LIPK: variants seen among roughly 807,000 people sequenced by gnomAD.
LIPK encodes the protein lipase member K.
A neutral mutation model predicts 48.6 loss-of-function variants in LIPK; 32 were observed. That is an observed-to-expected ratio of 0.66 (90% CI 0.50 to 0.88). The LOEUF is 0.88. Ranked by LOEUF, LIPK falls within the 40% of genes least tolerant of loss-of-function variation. LIPK has a pLI of 0.00. For missense variants in LIPK, 507 were observed against 478.5 expected, an observed-to-expected ratio of 1.06 and a Z score of -0.56; for synonymous variants, 164 against 157.4, an observed-to-expected ratio of 1.04 and a Z score of -0.32.
chr10:88,740,742 C>T (rs1163725843), intron 8 of LIPK, among the ~76,000 whole-genome samples: 1 of 152,100 alleles, frequency 6.6e-6, no homozygotes, highest in Non-Finnish European at 1.5e-5. Context: ...GAAAAGTGAA[C>T]AAAATATACA....
chr10:88,737,805 G>A, intron 7 of LIPK, 24 bp downstream of exon 7: 1 of 1,611,038 alleles, frequency 6.2e-7, no homozygotes, highest in East Asian at 2.2e-5. Flanking sequence ...ATTGGGTCTG[G>A]GAAAACATTT....
chr10:88,737,222 T>C (rs796399904), intron 6 of LIPK, among the ~76,000 whole-genome samples: 19 of 152,296 alleles, frequency 1.2e-4, no homozygotes, highest in African/African-American at 4.6e-4. Context: ...CTAATTGTCT[T>C]TTAAACATGA....
At chr10:88,721,038 A>G (rs1842214068) in intron 1 of LIPK, among the ~76,000 whole-genome samples, 1 of 152,024 alleles carries the variant, frequency 6.6e-6, no homozygotes, top group Non-Finnish European at 1.5e-5. Context: ...TCTTAGTCTA[A>G]AATCCTTATA....
chr10:88,728,553 A>C, intron 3 of LIPK: 1 of 410,888 alleles, frequency 2.4e-6, no homozygotes, highest in Non-Finnish European at 4.8e-6. Context: ...CCTATAGCGG[A>C]CCAAACAGGA....
At chr10:88,742,124 T>C in intron 8 of LIPK, among the ~76,000 whole-genome samples, 1 of 152,168 alleles carries the variant, frequency 6.6e-6, no homozygotes, top group East Asian at 1.9e-4. Context: ...GAGAACTCAC[T>C]CACTATCAGG....
chr10:88,741,152 TA>T (rs1370500080), intron 8 of LIPK, among the ~76,000 whole-genome samples: 1 of 152,208 alleles, frequency 6.6e-6, no homozygotes, highest in African/African-American at 2.4e-5. Flanking sequence ...AACAATTTTT[TA>T]GTAAAGGCAT....
At chr10:88,746,050 T>C (rs1027067393) in intron 9 of LIPK, among the ~76,000 whole-genome samples, 8 of 152,160 alleles carry the variant, frequency 5.3e-5, no homozygotes, top group Admixed American at 4.6e-4. Flanking sequence ...TAAATAAAGA[T>C]AAAGGGTTGA....
chr10:88,739,651 C>T (rs1172130526), intron 7 of LIPK, among the ~76,000 whole-genome samples: 4 of 151,922 alleles, frequency 2.6e-5, no homozygotes, highest in African/African-American at 7.3e-5. Flanking sequence ...GTCAGGAGAG[C>T]GAGACCATCC....
Position 88,737,661 on chromosome 10 carries a change from C to T in LIPK, c.696C>T (p.His232=). The T allele has an allele frequency of 6.2e-7, 1 of 1,613,818 alleles. No individual in the cohort carries two copies. The highest frequency in any genetic ancestry group is 1.1e-5 in the South Asian group (1 of 91,044). ...TGTTGTTTGGTGACAAAATGTTCCA[C>T]CCTCATACATTGTTTGACCAATTCA... is the stretch of plus-strand genomic sequence containing the variant. ...VKVLFGDKMF[H]PHTLFDQFIA... Residue 232 remains histidine (H), a synonymous_variant, in exon 7 of 10, where the codon CAC becomes CAT. Transcript: ENST00000404190.
At chr10:88,714,182 A>G (rs1842074587) in intron 1 of LIPK, among the ~76,000 whole-genome samples, 1 of 152,186 alleles carries the variant, frequency 6.6e-6, no homozygotes, top group Admixed American at 6.5e-5. Context: ...GATATTTTAT[A>G]GAATTCCTTC....
chr10:88,749,302 A>G (rs1429847879), intron 9 of LIPK, among the ~76,000 whole-genome samples: 1 of 152,226 alleles, frequency 6.6e-6, no homozygotes, highest in Non-Finnish European at 1.5e-5. Flanking sequence ...AGAAGCCTGA[A>G]TAGTCAAGGC....
At chr10:88,713,793 T>C (rs1397713719) in intron 1 of LIPK, among the ~76,000 whole-genome samples, 1 of 151,542 alleles carries the variant, frequency 6.6e-6, no homozygotes, top group Admixed American at 6.6e-5. Context: ...ATACAAAAAT[T>C]AGCCAGGCGC....
intron 9 of LIPK, among the ~76,000 whole-genome samples, chr10:88,747,767 G>A (rs1842790512): frequency 6.6e-6 from 1 of 152,160 alleles, no homozygotes; most frequent in Admixed American, 6.5e-5. Flanking sequence ...ATAGATGCTG[G>A]CGAGGCTGTG....
At chr10:88,749,156 A>G (rs191819573) in intron 9 of LIPK, among the ~76,000 whole-genome samples, 1 of 152,336 alleles carries the variant, frequency 6.6e-6, no homozygotes, top group East Asian at 1.9e-4. Flanking sequence ...ATGTTCATGG[A>G]TAGGAAGAAT....
chr10:88,734,167 T>C (rs1281666142), intron 6 of LIPK, among the ~76,000 whole-genome samples: 1 of 152,212 alleles, frequency 6.6e-6, no homozygotes, highest in Non-Finnish European at 1.5e-5. Context: ...TCCAGTATTA[T>C]AATGACAGAG....
intron 6 of LIPK, among the ~76,000 whole-genome samples, chr10:88,735,580 G>A (rs1228743083): frequency 6.6e-6 from 1 of 152,236 alleles, no homozygotes; most frequent in Non-Finnish European, 1.5e-5. Context: ...AGGGTGACCA[G>A]CTCAGTGGGT....
chr10:88,718,964 G>A (rs1008321674), intron 1 of LIPK, among the ~76,000 whole-genome samples: 4 of 152,070 alleles, frequency 2.6e-5, no homozygotes, highest in African/African-American at 4.8e-5. Flanking sequence ...AAATAATTGT[G>A]CCATATTCAG....
At chr10:88,740,439 T>C (rs978697822) in intron 8 of LIPK, among the ~76,000 whole-genome samples, 1 of 152,242 alleles carries the variant, frequency 6.6e-6, no homozygotes, top group African/African-American at 2.4e-5. Context: ...ATATGGGGCA[T>C]TTCAGAATGT....
At position 88,737,707 on chromosome 10, in the gene LIPK, C is replaced by T. The variant is rs758780985; in HGVS notation, c.742C>T (p.Arg248Ter). ...ATTCATTGCCACCAAAGTGTGCAAT[C>T]GAAAGCTATTCCGTCGTATTTGCAG... ...DQFIATKVCN[R>*]KLFRRICSNF... The change falls in exon 7 of 10, where the codon CGA (arginine) becomes TGA (stop). Residue 248 changes from arginine (R) to a stop codon, truncating the protein, a stop_gained. Transcript: ENST00000404190. LOFTEE classifies it high-confidence loss of function. 74 of 1,613,734 alleles carry T rather than the reference C, an allele frequency of 4.6e-5. No homozygotes were observed. Among genetic ancestry groups the T allele is most frequent in the African/African-American group, 3.1e-4 (23 of 74,922 alleles).
Sources: allele counts gnomAD v4.1 joint callset (sites outside exome capture counted in the v4.1 genomes callset), GRCh38; gene constraint gnomAD v4.1.1; transcripts MANE v1.5; gene names NCBI Gene and HGNC (gene_info 2026-07-23, HGNC 2026-07-21).